The following KIF2C variants were observed in gnomAD, a reference collection of about 807,000 sequenced individuals.
KIF2C encodes the protein kinesin-like protein KIF2C.
KIF2C carries 34 observed loss-of-function variants against 97.4 expected under a neutral mutation model. The ratio of observed to expected loss-of-function variants is 0.35; its 90% CI spans 0.27 to 0.46. The LOEUF is 0.46. Among genes scored for constraint, KIF2C ranks in the 20% least tolerant of loss-of-function variants. KIF2C has a pLI of 1.00. For missense variants in KIF2C, 750 were observed against 907.6 expected (o/e 0.83, Z 2.23); for synonymous variants, 313 against 318.2 (o/e 0.98, Z 0.17).
chr1:44,759,467 G>T (rs1650026451), intron 14 of KIF2C, 119 bp downstream of exon 14: 1 of 1,241,470 alleles, frequency 8.1e-7, no homozygotes, highest in Admixed American at 1.9e-5. Flanking sequence ...GGTAAGGGCT[G>T]CGAAGGCCTC....
chr1:44,753,955 ATTCTT>A, intron 7 of KIF2C, 122 bp downstream of exon 7: 4 of 192,990 alleles, frequency 2.1e-5, no homozygotes, highest in Admixed American at 1.0e-4. Flanking sequence ...TGAGGCCCCA[ATTCTT>A]TTTTTTTTTT....
chr1:44,764,154 C>G (rs1289206785), intron 19 of KIF2C, among the ~76,000 whole-genome samples: 1 of 152,076 alleles, frequency 6.6e-6, no homozygotes, highest in Middle Eastern at 3.4e-3. Flanking sequence ...TACAAGGTAC[C>G]CCCCAAAATA....
intron 10 of KIF2C, 45 bp from the exon 11 acceptor site, chr1:44,757,511 G>T (rs1267679605): frequency 8.0e-7 from 1 of 1,250,650 alleles, no homozygotes; most frequent in South Asian, 1.2e-5. Flanking sequence ...ATGTTCCAGG[G>T]AGCACAGTTT....
At chr1:44,753,312 C>A in intron 6 of KIF2C, 58 bp downstream of exon 6, 1 of 1,557,256 alleles carries the variant, frequency 6.4e-7, no homozygotes. Flanking sequence ...TAGTTTACAT[C>A]CTGTCCTAAA....
In KIF2C at chr1:44,762,661, A is replaced by T; in HGVS notation, c.1971+3A>T. ...AAGAGCTCAAGGAGATCATACAGGT[A>T]GGCAGCTGGCCCTGGACAGGGAGCT... On this transcript the variant is annotated splice_donor_region_variant and intron_variant, in intron 19 of 20. Transcript: ENST00000372224. 1 of 1,603,622 alleles carries T rather than the reference A, an allele frequency of 6.2e-7. No individual in the cohort carries two copies. Among genetic ancestry groups the T allele is most frequent in the Non-Finnish European group, 8.5e-7 (1 of 1,170,700 alleles).
chr1:44,767,482 C>A lies in KIF2C; in HGVS notation c.*303C>A, dbSNP rs545302112. The A allele has an allele frequency of 3.9e-5, 12 of 308,512 alleles. No individual in the cohort carries two copies. The highest frequency in any genetic ancestry group is 2.3e-4 in the Admixed American group (5 of 21,634). The allele number at this position is 308,512 out of a possible 1,614,324, so 19.1% of individuals were successfully genotyped here. The stretch of plus-strand genomic sequence containing the variant: ...AGCATAGAGCTTTCTCCGCAGCATC[C>A]TGCCTGCGTGGACTGGCTGCTAATG... On this transcript the variant is annotated 3_prime_UTR_variant, in exon 21 of 21. Coordinates refer to ENST00000372224, the MANE Select transcript of KIF2C (RefSeq NM_006845.4).
chr1:44,740,908 T>C lies in KIF2C; in HGVS notation c.71-5T>C, dbSNP rs746501157. ...GGGTAACTCTGGTTTTTTCATACTT[T>C]ATAGGTTTAATTCACAGTGCCAATG... On this transcript the variant is annotated splice_polypyrimidine_tract_variant and splice_region_variant and intron_variant, in intron 1 of 20. Transcript: ENST00000372224. 2.5e-6 allele frequency: 4 copies of C among 1,607,614 alleles called. No homozygotes were observed. The East Asian group carries it at 8.9e-5, about 36-fold the overall frequency.
In KIF2C at chr1:44,740,967, CA is replaced by C; in HGVS notation, c.126del (p.Val43TrpfsTer22). 6.2e-7 allele frequency: 1 copy of C among 1,613,740 alleles called. No individual in the cohort carries two copies. The highest frequency in any genetic ancestry group is 8.5e-7 in the Non-Finnish European group (1 of 1,179,812). On this transcript the variant is annotated frameshift_variant, in exon 2 of 21. Transcript: ENST00000372224. LOFTEE classifies it high-confidence loss of function. ...RTVNLEKSCV[S>X]VEWAEGGATK... The stretch of plus-strand genomic sequence containing the variant: ...GTGAACTTGGAGAAATCCTGTGTTT[CA>C]GTGGAATGGGCAGAAGGAGGTGCCA...
rs1281085832 is a variant in KIF2C, at chr1:44,760,440, C to T, written c.1528C>T (p.Arg510Cys). ...ADTSSADRQT[R>C]MEGAEINKSL... ...CACTTCCAGTGCTGACCGGCAGACC[C>T]GCATGGAGGGCGCAGAAATCAACAA... is the stretch of plus-strand genomic sequence containing the variant. The change falls in exon 15 of 21, where the codon CGC becomes TGC. Residue 510 changes from arginine (R) to cysteine (C), a missense_variant. Transcript: ENST00000372224. The surrounding 1 kb of genome is among the most constrained non-coding windows in gnomAD (Gnocchi z 4.2). 8 of 1,614,176 alleles carry T rather than the reference C, an allele frequency of 5.0e-6. No individual in the cohort carries two copies. Among genetic ancestry groups the T allele is most frequent in the East Asian group, 2.2e-5 (1 of 44,890 alleles).
intron 16 of KIF2C, among the ~76,000 whole-genome samples, chr1:44,761,357 G>A (rs1307448993): frequency 2.0e-5 from 3 of 152,164 alleles, no homozygotes; most frequent in African/African-American, 7.2e-5. Flanking sequence ...TGTAATCCCA[G>A]CACTTTGGGA....
intron 7 of KIF2C, 130 bp downstream of exon 7, chr1:44,753,963 T>A: frequency 1.9e-5 from 6 of 312,616 alleles, no homozygotes; most frequent in Admixed American, 5.5e-5. Flanking sequence ...CAATTCTTTT[T>A]TTTTTTTTTT....
intron 20 of KIF2C, 45 bp downstream of exon 20, chr1:44,766,994 G>C (rs1650504020): frequency 1.2e-6 from 2 of 1,612,594 alleles, no homozygotes; most frequent in Admixed American, 1.7e-5. Context: ...GGTGGCCTCT[G>C]CTGGCTCTTG....
rs764666049 is a variant in KIF2C at position 44,739,938 on chromosome 1, C to CA, written c.7dup (p.Met3AsnfsTer21). 1.2e-5 allele frequency: 19 copies of CA among 1,614,054 alleles called. No individual in the cohort carries two copies. The highest frequency in any genetic ancestry group is 1.7e-6 in the Non-Finnish European group (2 of 1,180,006). On this transcript the variant is annotated frameshift_variant, in exon 1 of 21. Coordinates refer to ENST00000372224, the MANE Select transcript of KIF2C (RefSeq NM_006845.4). LOFTEE classifies it high-confidence loss of function. Reference sequence around the variant, plus strand: ...CTTCCTTGCTGACTCTCCGAATGGCCATGGACTCGTCGCTTCAGGCCCGCC... The same window carrying CA: ...CTTCCTTGCTGACTCTCCGAATGGCCAATGGACTCGTCGCTTCAGGCCCGCC...
At chr1:44,755,785 G>A (rs989105230) in intron 8 of KIF2C, 144 bp from the exon 9 acceptor site, 22 of 680,368 alleles carry the variant, frequency 3.2e-5, no homozygotes, top group Non-Finnish European at 3.1e-5. Context: ...AGTATCTAAT[G>A]GAGGATGCAG....
rs80163515 is a variant in KIF2C, at chr1:44,758,370, A to C, written c.1224+230A>C. Among the ~76,000 whole-genome samples, 933 of 152,202 alleles carry C rather than the reference A, an allele frequency of 6.1e-3. 7 individuals carry two copies. Among genetic ancestry groups the C allele is most frequent in the African/African-American group, 0.021 (871 of 41,538 alleles). On this transcript the variant is annotated intron_variant, in intron 13 of 20. Transcript: ENST00000372224. ...TCCTCAGGGCGCCCTTTCAGGTGCA[A>C]GGTTTGCCTGTGTGTGTCCTGACCT...
Position 44,760,490 on chromosome 1 carries a change from G to A in KIF2C, c.1572+6G>A, listed in dbSNP as rs752784230. ...AGAGTCTCTTAGCCCTGAAGGTAGT[G>A]GGGCAGCTAGAGCTGGTTGGCCGGG... On this transcript the variant is annotated splice_donor_region_variant and intron_variant, in intron 15 of 20. Transcript: ENST00000372224. The surrounding 1 kb of genome is among the most constrained non-coding windows in gnomAD (Gnocchi z 4.2). The A allele has an allele frequency of 1.9e-6, 3 of 1,613,620 alleles. No homozygotes were observed. Among genetic ancestry groups the A allele is most frequent in the East Asian group, 2.2e-5 (1 of 44,888 alleles).
intron 2 of KIF2C, among the ~76,000 whole-genome samples, chr1:44,745,528 T>A (rs1163149041): frequency 1.5e-5 from 2 of 130,524 alleles, no homozygotes; most frequent in Non-Finnish European, 3.1e-5. Context: ...GGCTGGAGTG[T>A]GATGGCGCTA....
intron 13 of KIF2C, among the ~76,000 whole-genome samples, chr1:44,758,825 G>A (rs987648261): frequency 6.6e-6 from 1 of 152,146 alleles, no homozygotes. Flanking sequence ...GCAGTGAGCC[G>A]TGATCGCACC....
chr1:44,744,177 G>C (rs989562440), intron 2 of KIF2C, among the ~76,000 whole-genome samples: 7 of 151,740 alleles, frequency 4.6e-5, no homozygotes, highest in African/African-American at 1.7e-4. Context: ...AGCCGATTTC[G>C]GCTCACTACA....
Sources: gnomAD v4.1 joint callset for allele counts (sites outside exome capture counted in the v4.1 genomes callset) on GRCh38, gnomAD v4.1.1 for gene constraint, Gnocchi (gnomAD v3.1) non-coding constraint, MANE v1.5 for transcripts, NCBI Gene and HGNC (gene_info 2026-07-23, HGNC 2026-07-21) for gene names.